CDYL: variants seen among roughly 807,000 people sequenced by gnomAD.
The protein encoded by CDYL is chromodomain Y like.
CDYL carries 8 observed loss-of-function variants against 47.3 expected under a neutral mutation model. The observed-to-expected ratio is 0.17, with a 90% CI of 0.10 to 0.31. CDYL has a LOEUF of 0.31. CDYL is among the 10% of genes least tolerant of loss of function. The pLI, the probability that CDYL is intolerant of heterozygous loss-of-function variation, is 1.00. For missense variants in CDYL, 471 were observed against 701.4 expected, an observed-to-expected ratio of 0.67 and a Z score of 3.71; for synonymous variants, 266 against 265.0, an observed-to-expected ratio of 1.00 and a Z score of -0.04.
intron 1 of CDYL, among the ~76,000 whole-genome samples, chr6:4,819,160 CTCTGTG>C (rs1287920589): frequency 8.4e-4 from 104 of 124,092 alleles, no homozygotes; most frequent in African/African-American, 4.3e-3. Flanking sequence ...CTCTCTCTCT[CTCTGTG>C]TGTGTGTGTG....
At chr6:4,904,867 T>TC (rs1311438102) in intron 2 of CDYL, among the ~76,000 whole-genome samples, 2 of 152,068 alleles carry the variant, frequency 1.3e-5, no homozygotes, top group Non-Finnish European at 2.9e-5. Flanking sequence ...GTGCACTGTG[T>TC]CCCCCTCATC....
rs796329040 is a variant in CDYL, at chr6:4,852,385, TCTTC to T, written c.25-39317_25-39314del. The stretch of plus-strand genomic sequence containing the variant: ...TTCCTTCCTTCCTCCTTCCTTCCTA[TCTTC>T]CTTCCTTCCTCCTTCCTTCCTTCCA... On this transcript the variant is annotated intron_variant, in intron 1 of 6. Transcript: ENST00000397588. Among the ~76,000 whole-genome samples, 185 of 127,282 alleles carry T rather than the reference TCTTC, an allele frequency of 1.5e-3. 3 individuals are homozygous for T. The highest frequency in any genetic ancestry group is 5.4e-3 in the African/African-American group (162 of 29,778). 83.5% of individuals were successfully genotyped at this position (127,282 alleles called of 152,430 possible). A position where few individuals can be genotyped will look rare whatever the true frequency, so the allele number is the denominator to read the frequency against.
intron 2 of CDYL, among the ~76,000 whole-genome samples, chr6:4,732,824 C>T (rs1164525360): frequency 2.6e-5 from 4 of 152,072 alleles, no homozygotes; most frequent in Admixed American, 1.3e-4. Context: ...GAAAAGATAG[C>T]GGCCTGGAAG....
intron 2 of CDYL, among the ~76,000 whole-genome samples, chr6:4,926,315 A>G (rs1337161502): frequency 6.6e-6 from 1 of 151,688 alleles, no homozygotes; most frequent in Non-Finnish European, 1.5e-5. Flanking sequence ...CGTTCAATAT[A>G]TGTAAATAAC....
chr6:4,928,176 AGAATTCAAATTGG>A (rs1331141596), intron 2 of CDYL, among the ~76,000 whole-genome samples: 1 of 152,242 alleles, frequency 6.6e-6, no homozygotes, highest in East Asian at 1.9e-4. Flanking sequence ...GAAGTCTACT[AGAATTCAAATTGG>A]GAAAGAGAAA....
intron 3 of CDYL, among the ~76,000 whole-genome samples, chr6:4,739,476 G>T (rs559860514): frequency 7.0e-6 from 1 of 141,918 alleles, no homozygotes; most frequent in African/African-American, 2.6e-5. Context: ...CCGAGATCTC[G>T]CCATTTGCAC....
intron 2 of CDYL, among the ~76,000 whole-genome samples, chr6:4,895,805 T>G (rs1329686595): frequency 1.3e-5 from 2 of 152,188 alleles, no homozygotes; most frequent in African/African-American, 4.8e-5. Flanking sequence ...TTTATATTTC[T>G]TATATAAGGA....
chr6:4,840,556 A>G (rs1395355598), intron 1 of CDYL, among the ~76,000 whole-genome samples: 2 of 152,112 alleles, frequency 1.3e-5, no homozygotes, highest in Non-Finnish European at 2.9e-5. Flanking sequence ...GATGGCTTTT[A>G]TTAAAGTTAT....
In CDYL at chr6:4,821,260, C is replaced by CTTTTTT. The variant is rs1176819548; in HGVS notation, c.24+44477_24+44482dup. On this transcript the variant is annotated intron_variant, in intron 1 of 6. Transcript: ENST00000397588. ...TGATTATCATGGTCATATGGGAATT[C>CTTTTTT]TTTTTTTTTTTTTTTTTTTTTTTTT... Among the ~76,000 whole-genome samples, 130 of 60,378 alleles carry CTTTTTT rather than the reference C, an allele frequency of 2.2e-3. 10 individuals are homozygous for CTTTTTT. The highest frequency in any genetic ancestry group is 9.6e-3 in the East Asian group (17 of 1,764). The allele number at this position is 60,378 out of a possible 152,430, so 39.6% of individuals were successfully genotyped here. A position where few individuals can be genotyped will look rare whatever the true frequency, so the allele number is the denominator to read the frequency against.
intron 2 of CDYL, among the ~76,000 whole-genome samples, chr6:4,728,998 G>A (rs1350026179): frequency 6.6e-6 from 1 of 152,122 alleles, no homozygotes; most frequent in Non-Finnish European, 1.5e-5. Context: ...CCTTCCCAAA[G>A]ATCTTTCCTC....
At chr6:4,904,585 G>T (rs1173042401) in intron 2 of CDYL, among the ~76,000 whole-genome samples, 1 of 152,130 alleles carries the variant, frequency 6.6e-6, no homozygotes, top group Admixed American at 6.5e-5. Flanking sequence ...ATAACATCTG[G>T]TCTGTCCTCC....
intron 3 of CDYL, among the ~76,000 whole-genome samples, chr6:4,752,875 G>A (rs1050817450): frequency 4.3e-5 from 6 of 140,044 alleles, no homozygotes; most frequent in Non-Finnish European, 9.0e-5. Context: ...TAGGTAGGTA[G>A]GTAGGTATGT....
chr6:4,929,485 G>A (rs1487559104), intron 2 of CDYL, among the ~76,000 whole-genome samples: 2 of 83,578 alleles, frequency 2.4e-5, no homozygotes, highest in Non-Finnish European at 5.2e-5. Context: ...TTCTGCAAAT[G>A]TTTTACTTAC....
intron 2 of CDYL, among the ~76,000 whole-genome samples, chr6:4,723,288 G>A (rs1001365962): frequency 2.6e-5 from 4 of 152,040 alleles, no homozygotes; most frequent in East Asian, 3.9e-4. Context: ...ATTATATCAG[G>A]GACTTGAGCA....
chr6:4,712,127 C>A (rs1209447020), intron 1 of CDYL, among the ~76,000 whole-genome samples: 1 of 152,044 alleles, frequency 6.6e-6, no homozygotes, highest in Non-Finnish European at 1.5e-5. Flanking sequence ...GAAGCTTCCA[C>A]CAATTTGAGG....
rs556412961 is a variant in CDYL at position 4,925,910 on chromosome 6, C to T, written c.692-9605C>T. Among the ~76,000 whole-genome samples, 40 of 152,258 alleles carry T rather than the reference C, an allele frequency of 2.6e-4. No individual in the cohort carries two copies. In the South Asian group the frequency reaches 7.7e-3, roughly 29 times the overall value. ...TATTCTTAGACTGATTCTAGCTCAT[C>T]GTTTTCCCCTGTACTAGAACTATGC... is the stretch of plus-strand genomic sequence containing the variant. On this transcript the variant is annotated intron_variant, in intron 2 of 6. Coordinates refer to ENST00000397588, the MANE Select transcript of CDYL (RefSeq NM_004824.4).
chr6:4,745,962 A>G lies in CDYL; in HGVS notation c.186+11118A>G, dbSNP rs1478132486. Among the ~76,000 whole-genome samples, 4 of 152,206 alleles carry G rather than the reference A, an allele frequency of 2.6e-5. No individual in the cohort carries two copies. In the East Asian group the frequency reaches 5.8e-4, roughly 22 times the overall value. On this transcript the variant is annotated intron_variant, in intron 3 of 8. Coordinates refer to the CDYL transcript ENST00000328908. ...TGTGGGAGCCATGGGTAGGGGTGTGACAGGAATCAGCCTGAAGATGCCTGG... is the reference window on the plus strand; with the variant it reads ...TGTGGGAGCCATGGGTAGGGGTGTGGCAGGAATCAGCCTGAAGATGCCTGG...
chr6:4,948,668 A>G (rs1033774068), intron 5 of CDYL, among the ~76,000 whole-genome samples: 6 of 152,110 alleles, frequency 3.9e-5, no homozygotes, highest in Non-Finnish European at 8.8e-5. Flanking sequence ...AGCACCCTGC[A>G]TGTAGCCCCC....
intron 1 of CDYL, among the ~76,000 whole-genome samples, chr6:4,787,853 A>C (rs973256612): frequency 7.0e-6 from 1 of 143,448 alleles, no homozygotes; most frequent in Non-Finnish European, 1.5e-5. Context: ...GCTCACTGCA[A>C]CCTCTGCCTC....
Sources: gnomAD v4.1 joint callset for allele counts (sites outside exome capture counted in the v4.1 genomes callset) on GRCh38, gnomAD v4.1.1 for gene constraint, MANE v1.5 for transcripts, NCBI Gene and HGNC (gene_info 2026-07-23, HGNC 2026-07-21) for gene names.